Variants in MMP26 observed in about 807,000 individuals in gnomAD.
MMP26 encodes the protein matrix metalloproteinase-26.
MMP26 carries 33 observed loss-of-function variants against 31.0 expected under a neutral mutation model. The observed-to-expected ratio is 1.06, with a 90% confidence interval of 0.81 to 1.42. MMP26 has a LOEUF of 1.42. Ranked by LOEUF, MMP26 falls within the 40% of genes most tolerant of loss-of-function variation. The pLI, the probability that MMP26 is intolerant of heterozygous loss-of-function variation, is 0.00. For synonymous variants in MMP26, 122 were observed against 114.9 expected (o/e 1.06, Z -0.40); for missense variants, 347 against 316.1 (o/e 1.10, Z -0.74).
At chr11:4,713,935 A>G (rs1847893428) in intron 1 of MMP26, among the ~76,000 whole-genome samples, 3 of 152,180 alleles carry the variant, frequency 2.0e-5, no homozygotes, top group African/African-American at 7.2e-5. Context: ...GAAGAAAGCC[A>G]TGAAGTAGAA....
intron 2 of MMP26, among the ~76,000 whole-genome samples, chr11:4,781,992 A>G (rs747992833): frequency 6.6e-6 from 1 of 152,214 alleles, no homozygotes; most frequent in Non-Finnish European, 1.5e-5. Context: ...TGTAAGTCCA[A>G]TTAAACCTCT....
chr11:4,924,118 G>T (rs759473353), intron 2 of MMP26: 3 of 1,614,108 alleles, frequency 1.9e-6, no homozygotes, highest in East Asian at 2.2e-5. Context: ...AAAGGCAAAG[G>T]CCTAAGTCTG....
chr11:4,748,703 C>T (rs372791053), intron 1 of MMP26, among the ~76,000 whole-genome samples: 6 of 150,738 alleles, frequency 4.0e-5, no homozygotes, highest in Admixed American at 6.6e-5. Flanking sequence ...AATATGATCA[C>T]GGCAATAGTT....
At chr11:4,748,481 C>A (rs904882490) in intron 1 of MMP26, among the ~76,000 whole-genome samples, 4 of 150,656 alleles carry the variant, frequency 2.7e-5, no homozygotes, top group African/African-American at 9.8e-5. Context: ...CAGGCATGTA[C>A]ACACATGAAA....
Position 4,989,662 on chromosome 11 carries a change from A to G in MMP26, c.114A>G (p.Gln38=). The change falls in exon 4 of 8, where the codon CAA becomes CAG. Residue 38 remains glutamine, a synonymous_variant. Coordinates refer to ENST00000380390, the MANE Select transcript of MMP26 (RefSeq NM_021801.5). ...GWDFVEGYFH[Q]FFLTKKESPL... Reference sequence around the variant, plus strand: ...ATCTGATTCAGGGCTATTTCCATCAATTTTTCCTGACCAAGAAGGAGTCGC... The same window carrying G: ...ATCTGATTCAGGGCTATTTCCATCAGTTTTTCCTGACCAAGAAGGAGTCGC... The G allele has an allele frequency of 5.0e-6, 8 of 1,612,082 alleles. No individual in the cohort carries two copies. The highest frequency in any genetic ancestry group is 2.7e-5 in the African/African-American group (2 of 74,932).
intron 2 of MMP26, among the ~76,000 whole-genome samples, chr11:4,844,715 C>A (rs76303849): frequency 1.3e-5 from 2 of 152,050 alleles, no homozygotes; most frequent in African/African-American, 4.8e-5. Context: ...TTCAACACCC[C>A]TTCATAATAA....
chr11:4,892,994 G>A (rs1048729789), intron 2 of MMP26, among the ~76,000 whole-genome samples: 2 of 151,928 alleles, frequency 1.3e-5, no homozygotes, highest in African/African-American at 4.8e-5. Flanking sequence ...TAACCATCCG[G>A]CTTTGGAAGA....
chr11:4,885,544 T>C (rs997381381), intron 2 of MMP26, among the ~76,000 whole-genome samples: 3 of 152,242 alleles, frequency 2.0e-5, no homozygotes, highest in South Asian at 2.1e-4. Context: ...CTAGGAGCAA[T>C]AGGCTATATC....
Position 4,889,184 on chromosome 11 carries a change from A to G in MMP26, c.-144-98884A>G, listed in dbSNP as rs1261625389. Among the ~76,000 whole-genome samples the G allele has an allele frequency of 3.3e-5, 5 of 152,278 alleles. No homozygotes were observed. The East Asian group carries it at 7.7e-4, about 24-fold the overall frequency. ...TGACTATAGTCATCCCTTGTTATCC[A>G]TAGGAAATTGCTTCCAGGACCCCAA... On this transcript the variant is annotated intron_variant, in intron 2 of 7. Transcript: ENST00000380390.
intron 1 of MMP26, among the ~76,000 whole-genome samples, chr11:4,763,368 G>T (rs1383210380): frequency 6.6e-6 from 1 of 152,188 alleles, no homozygotes; most frequent in Non-Finnish European, 1.5e-5. Flanking sequence ...AAAACAGAAA[G>T]TCATGTTGCC....
chr11:4,882,292 A>T, intron 2 of MMP26: 4 of 1,613,886 alleles, frequency 2.5e-6, no homozygotes, highest in Non-Finnish European at 3.4e-6. Context: ...TCTGTAACCC[A>T]CTGAACTATG....
At chr11:4,903,721 G>C (rs1213502607) in intron 2 of MMP26, 1 of 152,118 alleles carries the variant, frequency 6.6e-6, no homozygotes, top group South Asian at 2.1e-4. Flanking sequence ...AGAGAAGTAG[G>C]TACCTCTAGA....
chr11:4,967,105 G>T (rs956731845), intron 2 of MMP26, among the ~76,000 whole-genome samples: 1 of 152,188 alleles, frequency 6.6e-6, no homozygotes, highest in African/African-American at 2.4e-5. Context: ...AAAAGGTTTG[G>T]TGAAAGGATA....
chr11:4,868,604 G>C (rs1850269199), intron 2 of MMP26, among the ~76,000 whole-genome samples: 2 of 152,286 alleles, frequency 1.3e-5, no homozygotes, highest in South Asian at 4.1e-4. Flanking sequence ...CATGCTCTTT[G>C]ATAGGAAGAA....
intron 1 of MMP26, among the ~76,000 whole-genome samples, chr11:4,765,029 T>A (rs1440207102): frequency 6.6e-6 from 1 of 152,204 alleles, no homozygotes; most frequent in Non-Finnish European, 1.5e-5. Flanking sequence ...TGGCTTCTCT[T>A]TGTCTCAAGA....
chr11:4,963,056 C>T (rs544635663), intron 2 of MMP26, among the ~76,000 whole-genome samples: 7 of 152,252 alleles, frequency 4.6e-5, no homozygotes, highest in Non-Finnish European at 8.8e-5. Context: ...GATTCCAACT[C>T]AGCAGAATGT....
chr11:4,929,380 C>T (rs1322469627), intron 2 of MMP26, among the ~76,000 whole-genome samples: 2 of 151,936 alleles, frequency 1.3e-5, no homozygotes, highest in Non-Finnish European at 2.9e-5. Flanking sequence ...AAACCTTGTA[C>T]AAAATGTTTG....
At chr11:4,959,849 T>G (rs1846496326) in intron 2 of MMP26, among the ~76,000 whole-genome samples, 1 of 152,192 alleles carries the variant, frequency 6.6e-6, no homozygotes, top group Non-Finnish European at 1.5e-5. Context: ...TTCCTCTTTT[T>G]CTTGAATGTG....
intron 2 of MMP26, among the ~76,000 whole-genome samples, chr11:4,939,379 A>G (rs1334473427): frequency 6.6e-6 from 1 of 152,064 alleles, no homozygotes; most frequent in Non-Finnish European, 1.5e-5. Context: ...GGTTTGTCTT[A>G]TTTTAGAGTC....
Sources: allele counts gnomAD v4.1 joint callset (sites outside exome capture counted in the v4.1 genomes callset), GRCh38; gene constraint gnomAD v4.1.1; transcripts MANE v1.5; gene names NCBI Gene and HGNC (gene_info 2026-07-23, HGNC 2026-07-21).